Variants in ME1 observed in about 807,000 individuals in gnomAD.
The protein encoded by ME1 is malic enzyme 1, also known as NADP-dependent malic enzyme.
ME1 carries 74 observed loss-of-function variants against 66.4 expected under a neutral mutation model. That is an observed-to-expected ratio of 1.11 (90% CI 0.92 to 1.35). The LOEUF (loss-of-function observed/expected upper bound fraction) is 1.35, where lower values mean the gene tolerates loss of function less well. Ranked by LOEUF, ME1 falls within the 40% of genes most tolerant of loss-of-function variation. The pLI, the probability that ME1 is intolerant of heterozygous loss-of-function variation, is 0.00. For missense variants in ME1, 750 were observed against 694.1 expected, an observed-to-expected ratio of 1.08 and a Z score of -0.90; for synonymous variants, 251 against 235.6, an observed-to-expected ratio of 1.07 and a Z score of -0.60.
In ME1 at chr6:83,352,159, A is replaced by G. The variant is rs1186705014; in HGVS notation, c.363-20T>C. Reference sequence around the variant, plus strand: ...AGACCTCTGCAGAAAAAAAAAAAAAAAAAGGAGTAGTTTACATTTACTTCA... The same window carrying G: ...AGACCTCTGCAGAAAAAAAAAAAAAGAAAGGAGTAGTTTACATTTACTTCA... On this transcript the variant is annotated intron_variant, in intron 3 of 13. Coordinates refer to ENST00000369705, the MANE Select transcript of ME1 (RefSeq NM_002395.6). 4 of 1,489,738 alleles carry G rather than the reference A, an allele frequency of 2.7e-6. No homozygotes were observed. The highest frequency in any genetic ancestry group is 1.4e-5 in the South Asian group (1 of 72,584). The allele number at this position is 1,489,738 out of a possible 1,614,324, so 92.3% of individuals were successfully genotyped here.
At chr6:83,417,288 A>C (rs1325866139) in intron 1 of ME1, among the ~76,000 whole-genome samples, 1 of 152,186 alleles carries the variant, frequency 6.6e-6, no homozygotes. Flanking sequence ...TTTGTCCTCA[A>C]GCAGTCTTCC....
chr6:83,227,904 C>T (rs2128523951), intron 10 of ME1, among the ~76,000 whole-genome samples: 1 of 152,264 alleles, frequency 6.6e-6, no homozygotes, highest in Non-Finnish European at 1.5e-5. Context: ...AGTAAAGTAC[C>T]ACCCACTGAA....
chr6:83,376,098 T>C (rs1056667458), intron 3 of ME1, among the ~76,000 whole-genome samples: 2 of 152,166 alleles, frequency 1.3e-5, no homozygotes, highest in Admixed American at 1.3e-4. Flanking sequence ...AATTTTTAAA[T>C]AGATAAATCA....
intron 13 of ME1, among the ~76,000 whole-genome samples, chr6:83,215,585 C>T (rs931969993): frequency 4.6e-5 from 7 of 152,044 alleles, no homozygotes; most frequent in East Asian, 1.9e-4. Flanking sequence ...TAAAATGAGA[C>T]GGTTAGAATG....
chr6:83,248,313 A>G (rs940382934), intron 7 of ME1, among the ~76,000 whole-genome samples: 2 of 152,290 alleles, frequency 1.3e-5, no homozygotes, highest in Admixed American at 6.5e-5. Context: ...AAGATATACA[A>G]TATTAAAGGA....
intron 6 of ME1, among the ~76,000 whole-genome samples, chr6:83,286,387 CAAAATA>C (rs1345284159): frequency 6.6e-6 from 1 of 151,952 alleles, no homozygotes; most frequent in Non-Finnish European, 1.5e-5. Flanking sequence ...GTGTCATAGT[CAAAATA>C]AGAAAAAATA....
At chr6:83,289,473 A>G (rs1767458613) in intron 6 of ME1, among the ~76,000 whole-genome samples, 1 of 152,136 alleles carries the variant, frequency 6.6e-6, no homozygotes, top group Non-Finnish European at 1.5e-5. Flanking sequence ...CATATGTTGA[A>G]CCAGACTTGC....
At chr6:83,356,989 C>T (rs1449035482) in intron 3 of ME1, among the ~76,000 whole-genome samples, 1 of 152,152 alleles carries the variant, frequency 6.6e-6, no homozygotes, top group African/African-American at 2.4e-5. Flanking sequence ...TGTCAGGTCT[C>T]TTTGGTCAAT....
intron 1 of ME1, among the ~76,000 whole-genome samples, chr6:83,412,236 C>CAA (rs546261123): frequency 6.8e-6 from 1 of 147,390 alleles, no homozygotes; most frequent in Non-Finnish European, 1.5e-5. Context: ...AGCTGAATTG[C>CAA]AAAAAAAAAG....
intron 6 of ME1, among the ~76,000 whole-genome samples, chr6:83,266,068 G>A (rs1766984342): frequency 6.6e-6 from 1 of 152,028 alleles, no homozygotes; most frequent in South Asian, 2.1e-4. Context: ...AATCTTCAAA[G>A]AGGCATTCCA....
chr6:83,316,853 C>G (rs1144179), intron 5 of ME1, among the ~76,000 whole-genome samples: 48,567 of 151,516 alleles, frequency 0.32, 8,151 homozygotes, highest in Middle Eastern at 0.49. Flanking sequence ...TTCATAAGGA[C>G]ATATTTAAGA....
At chr6:83,238,216 G>C (rs1790450372) in intron 8 of ME1, among the ~76,000 whole-genome samples, 1 of 152,128 alleles carries the variant, frequency 6.6e-6, no homozygotes, top group Non-Finnish European at 1.5e-5. Flanking sequence ...ATGGGAACTT[G>C]ACCAATTAGG....
At chr6:83,222,914 C>A (rs937047536) in intron 12 of ME1, among the ~76,000 whole-genome samples, 2 of 152,136 alleles carry the variant, frequency 1.3e-5, no homozygotes, top group African/African-American at 2.4e-5. Context: ...CCTCAAGGCC[C>A]AGACAGAGCT....
chr6:83,342,922 G>A (rs996797470), intron 5 of ME1, among the ~76,000 whole-genome samples: 8 of 152,126 alleles, frequency 5.3e-5, no homozygotes, highest in Non-Finnish European at 1.0e-4. Flanking sequence ...AACCTCAGGT[G>A]ATCTGCCCGC....
intron 5 of ME1, among the ~76,000 whole-genome samples, chr6:83,332,784 T>TA (rs1768440587): frequency 6.6e-6 from 1 of 152,000 alleles, no homozygotes; most frequent in Non-Finnish European, 1.5e-5. Flanking sequence ...AGGTAAAGGA[T>TA]AAAAAATTAC....
intron 5 of ME1, among the ~76,000 whole-genome samples, chr6:83,333,234 T>A (rs1417340981): frequency 6.6e-6 from 1 of 152,354 alleles, no homozygotes; most frequent in South Asian, 2.1e-4. Flanking sequence ...AGTTTCTATA[T>A]TTTTATTATT....
At chr6:83,279,004 C>G (rs866560059) in intron 6 of ME1, among the ~76,000 whole-genome samples, 67 of 152,100 alleles carry the variant, frequency 4.4e-4, no homozygotes, top group African/African-American at 2.9e-4. Context: ...CCCCTTCCCC[C>G]CCAACCCTAT....
At chr6:83,382,688 C>G (rs775490235) in intron 3 of ME1, among the ~76,000 whole-genome samples, 51 of 151,982 alleles carry the variant, frequency 3.4e-4, no homozygotes, top group Non-Finnish European at 6.3e-4. Flanking sequence ...AATCAGAACA[C>G]ATATTAATCA....
chr6:83,242,011 C>T (rs1790517717), intron 7 of ME1, among the ~76,000 whole-genome samples: 1 of 152,068 alleles, frequency 6.6e-6, no homozygotes, highest in Admixed American at 6.6e-5. Context: ...TACAGGCACC[C>T]ACCACCATGC....
Sources: allele counts gnomAD v4.1 joint callset (sites outside exome capture counted in the v4.1 genomes callset), GRCh38; gene constraint gnomAD v4.1.1; transcripts MANE v1.5; gene names NCBI Gene and HGNC (gene_info 2026-07-23, HGNC 2026-07-21).